PLEKHA2: variants seen among roughly 807,000 people sequenced by gnomAD.
PLEKHA2 encodes the protein pleckstrin homology domain-containing family A member 2.
A neutral mutation model predicts 53.2 loss-of-function variants in PLEKHA2; 28 were observed. The ratio of observed to expected loss-of-function variants is 0.53; its 90% confidence interval spans 0.39 to 0.72. PLEKHA2 has a LOEUF of 0.72. Among genes scored for constraint, PLEKHA2 ranks in the 30% least tolerant of loss-of-function variants. The probability of loss-of-function intolerance (pLI) is 0.00; values close to 1 mark genes in which losing one functional copy is unlikely to be tolerated. For missense variants in PLEKHA2, 426 were observed against 537.9 expected (o/e 0.79, Z 2.06); for synonymous variants, 193 against 196.4 (o/e 0.98, Z 0.14).
intron 1 of PLEKHA2, among the ~76,000 whole-genome samples, chr8:38,910,033 T>C (rs1833933780): frequency 2.0e-5 from 3 of 149,600 alleles, no homozygotes; most frequent in Admixed American, 1.3e-4. Flanking sequence ...CTCGGCTCAC[T>C]GCAGCCTCCA....
intron 2 of PLEKHA2, among the ~76,000 whole-genome samples, chr8:38,919,892 G>GA (rs1834147407): frequency 6.6e-6 from 1 of 152,278 alleles, no homozygotes; most frequent in Admixed American, 6.5e-5. Flanking sequence ...ACTCAGCCTG[G>GA]AATGCTGCCA....
chr8:38,943,192 C>G, intron 3 of PLEKHA2, among the ~76,000 whole-genome samples: 1 of 152,028 alleles, frequency 6.6e-6, no homozygotes, highest in East Asian at 1.9e-4. Context: ...TTTTAAAAGT[C>G]TTTTTGAGCT....
intron 3 of PLEKHA2, among the ~76,000 whole-genome samples, chr8:38,941,351 C>T (rs970398926): frequency 2.0e-5 from 3 of 152,162 alleles, no homozygotes; most frequent in East Asian, 1.9e-4. Flanking sequence ...CCACTGTGCC[C>T]GGCCTGGTAC....
chr8:38,934,536 C>T (rs769583329), intron 2 of PLEKHA2, among the ~76,000 whole-genome samples: 1 of 151,966 alleles, frequency 6.6e-6, no homozygotes, highest in Non-Finnish European at 1.5e-5. Flanking sequence ...GACAGAGTCT[C>T]AGATTCACAG....
At chr8:38,914,858 A>G (rs1357182848) in intron 1 of PLEKHA2, among the ~76,000 whole-genome samples, 2 of 152,204 alleles carry the variant, frequency 1.3e-5, no homozygotes, top group Non-Finnish European at 1.5e-5. Flanking sequence ...CTCATCCCAC[A>G]TTACCAGAGA....
Position 38,969,788 on chromosome 8 carries a change from G to A in PLEKHA2, c.*5G>A, listed in dbSNP as rs1487764905. On this transcript the variant is annotated 3_prime_UTR_variant, in exon 12 of 12. Coordinates refer to ENST00000617275, the MANE Select transcript of PLEKHA2 (RefSeq NM_021623.2). ...ATACGGACCTCTGATGTGTGATGGA[G>A]CACAGTGCCATGGGAGGGAGGGAGG... 9 of 479,348 alleles carry A rather than the reference G, an allele frequency of 1.9e-5. No individual in the cohort carries two copies. The highest frequency in any genetic ancestry group is 9.4e-5 in the South Asian group (6 of 63,830). The allele number at this position is 479,348 out of a possible 1,614,324, so 29.7% of individuals were successfully genotyped here. A position where few individuals can be genotyped will look rare whatever the true frequency, so the allele number is the denominator to read the frequency against.
chr8:38,938,341 C>T (rs942111670), intron 3 of PLEKHA2, among the ~76,000 whole-genome samples: 1 of 152,208 alleles, frequency 6.6e-6, no homozygotes, highest in African/African-American at 2.4e-5. Flanking sequence ...CCAGAGACCC[C>T]CATCCCATGT....
intron 1 of PLEKHA2, among the ~76,000 whole-genome samples, chr8:38,916,606 T>G (rs1360443682): frequency 6.6e-6 from 1 of 152,200 alleles, no homozygotes; most frequent in Non-Finnish European, 1.5e-5. Context: ...GATCTTACTC[T>G]TTTTTTATGG....
intron 2 of PLEKHA2, among the ~76,000 whole-genome samples, chr8:38,924,134 GC>G (rs1166762260): frequency 6.6e-6 from 1 of 152,180 alleles, no homozygotes; most frequent in East Asian, 1.9e-4. Flanking sequence ...ACAGATGTGA[GC>G]CACTACGCCT....
intron 4 of PLEKHA2, 137 bp downstream of exon 4, chr8:38,943,974 C>T (rs535065148): frequency 6.8e-6 from 4 of 589,340 alleles, no homozygotes; most frequent in Middle Eastern, 2.8e-4. Flanking sequence ...CGGTCCTGGA[C>T]GTCAAGTGAT....
chr8:38,973,874 G>C lies in PLEKHA2; in HGVS notation c.*4091G>C. The C allele has an allele frequency of 7.9e-6, 2 of 252,312 alleles. No homozygotes were observed. The highest frequency in any genetic ancestry group is 1.5e-5 in the Non-Finnish European group (2 of 132,454). The allele number at this position is 252,312 out of a possible 1,614,324, so 15.6% of individuals were successfully genotyped here. On this transcript the variant is annotated 3_prime_UTR_variant, in exon 12 of 12. Coordinates refer to ENST00000617275, the MANE Select transcript of PLEKHA2 (RefSeq NM_021623.2). Reference sequence around the variant, plus strand: ...AGCAAAAATTTTCTAAAACTGTTTTGTGGCTTGTTTTGTAATAAAACCATG... The same window carrying C: ...AGCAAAAATTTTCTAAAACTGTTTTCTGGCTTGTTTTGTAATAAAACCATG...
In PLEKHA2 at chr8:38,952,636, C is replaced by A. The variant is rs985666167; in HGVS notation, c.634C>A (p.Arg212=). 2 of 1,607,428 alleles carry A rather than the reference C, an allele frequency of 1.2e-6. No individual in the cohort carries two copies. Among genetic ancestry groups the A allele is most frequent in the Non-Finnish European group, 1.7e-6 (2 of 1,179,564 alleles). ...SGYCVKQGNV[R]KSWKRRFFAL... ...TCTGCCTTTTATTTTTTTATTACAGCGGAAGAGCTGGAAACGTCGCTTCTT... is the reference window on the plus strand; with the variant it reads ...TCTGCCTTTTATTTTTTTATTACAGAGGAAGAGCTGGAAACGTCGCTTCTT... The change falls in exon 8 of 12, where the codon CGG becomes AGG. Residue 212 remains arginine (R), a splice_region_variant and synonymous_variant. Coordinates refer to ENST00000617275, the MANE Select transcript of PLEKHA2 (RefSeq NM_021623.2).
intron 10 of PLEKHA2, among the ~76,000 whole-genome samples, chr8:38,963,663 C>T (rs994419579): frequency 1.3e-5 from 2 of 152,076 alleles, no homozygotes; most frequent in Non-Finnish European, 2.9e-5. Flanking sequence ...TGCTTGAGGC[C>T]AGGAATACCC....
chr8:38,961,404 G>A (rs1277277425), intron 10 of PLEKHA2, among the ~76,000 whole-genome samples: 3 of 152,038 alleles, frequency 2.0e-5, no homozygotes, highest in Non-Finnish European at 4.4e-5. Context: ...GGGTGTGGTG[G>A]TGCGCACCTG....
intron 2 of PLEKHA2, 23 bp downstream of exon 2, chr8:38,918,093 G>A (rs1463285600): frequency 1.2e-6 from 2 of 1,608,078 alleles, no homozygotes; most frequent in Non-Finnish European, 8.5e-7. Flanking sequence ...GTGGGAAGGG[G>A]TGGGGCGACT....
intron 4 of PLEKHA2, among the ~76,000 whole-genome samples, chr8:38,945,418 AT>A (rs894674432): frequency 6.6e-6 from 1 of 152,304 alleles, no homozygotes; most frequent in Admixed American, 6.5e-5. Flanking sequence ...TGCTAAGAGA[AT>A]AAAGTATTCC....
At chr8:38,953,998 A>G (rs145112701) in intron 9 of PLEKHA2, among the ~76,000 whole-genome samples, 188 of 152,328 alleles carry the variant, frequency 1.2e-3, no homozygotes, top group African/African-American at 4.4e-3. Flanking sequence ...AACACCAAAT[A>G]CAGATGCCTA....
chr8:38,966,781 G>A (rs1835144778), intron 10 of PLEKHA2, among the ~76,000 whole-genome samples: 1 of 152,070 alleles, frequency 6.6e-6, no homozygotes, highest in African/African-American at 2.4e-5. Flanking sequence ...ATTCACAATA[G>A]CAAAGTCACA....
At chr8:38,905,246 CTAAGAGTT>C (rs1833852510) in intron 1 of PLEKHA2, among the ~76,000 whole-genome samples, 1 of 152,012 alleles carries the variant, frequency 6.6e-6, no homozygotes, top group South Asian at 2.1e-4. Context: ...TCACTTGAGG[CTAAGAGTT>C]TAAGACCAGC....
Sources: gnomAD v4.1 joint callset for allele counts (sites outside exome capture counted in the v4.1 genomes callset) on GRCh38, gnomAD v4.1.1 for gene constraint, MANE v1.5 for transcripts, NCBI Gene and HGNC (gene_info 2026-07-23, HGNC 2026-07-21) for gene names.